The following LRP6 variants were observed in gnomAD, a reference collection of about 807,000 sequenced individuals.
The protein encoded by LRP6 is low-density lipoprotein receptor-related protein 6.
LRP6 carries 43 observed loss-of-function variants against 184.1 expected under a neutral mutation model. The observed-to-expected ratio is 0.23, with a 90% CI of 0.18 to 0.30. The LOEUF (loss-of-function observed/expected upper bound fraction) is 0.30, where lower values mean the gene tolerates loss of function less well. Ranked by LOEUF, LRP6 falls within the 10% of genes least tolerant of loss-of-function variation. LRP6 has a pLI of 1.00. For synonymous variants in LRP6, 719 were observed against 684.9 expected (o/e 1.05, Z -0.78); for missense variants, 1,571 against 2,005.3 (o/e 0.78, Z 4.14).
At chr12:12,196,411 T>G (rs373780285) in intron 3 of LRP6, among the ~76,000 whole-genome samples, 11 of 152,216 alleles carry the variant, frequency 7.2e-5, no homozygotes, top group African/African-American at 2.6e-4. Flanking sequence ...GGTCTTTCAC[T>G]TCCTTGGTTA....
chr12:12,179,003 T>C (rs1565607137), intron 7 of LRP6, among the ~76,000 whole-genome samples: 2 of 152,172 alleles, frequency 1.3e-5, no homozygotes, highest in South Asian at 2.1e-4. Context: ...GCCATCCTTG[T>C]ATGTGAAGTT....
At chr12:12,121,989 A>T (rs568884300) in intron 22 of LRP6, among the ~76,000 whole-genome samples, 11 of 152,168 alleles carry the variant, frequency 7.2e-5, no homozygotes, top group Non-Finnish European at 1.3e-4. Flanking sequence ...TAGCAAAGGG[A>T]AATTGCTGTG....
At chr12:12,138,802 T>C in intron 15 of LRP6, 10 of 1,447,718 alleles carry the variant, frequency 6.9e-6, no homozygotes, top group South Asian at 2.3e-5. Context: ...CTTAGAACAG[T>C]AGTTTGAAAA....
intron 2 of LRP6, among the ~76,000 whole-genome samples, chr12:12,235,309 C>T (rs1160373221): frequency 2.0e-5 from 3 of 152,128 alleles, no homozygotes; most frequent in African/African-American, 7.2e-5. Context: ...TGGTAGTAGA[C>T]TGGAATTGGC....
intron 1 of LRP6, among the ~76,000 whole-genome samples, chr12:12,256,759 T>G (rs182481871): frequency 2.3e-4 from 35 of 152,298 alleles, no homozygotes; most frequent in Admixed American, 1.6e-3. Flanking sequence ...TGAGCAGAGA[T>G]TGTGCCACTG....
At position 12,121,438 on chromosome 12, in the gene LRP6, TAAAG is replaced by T; in HGVS notation, c.4548-22_4548-19del. ...GCCTGTAGCTGGTATAGGGAGAAAA[TAAAG>T]AGAAGCAGTTAGTTTTACAAAAAAA... On this transcript the variant is annotated intron_variant, in intron 22 of 22. Coordinates refer to ENST00000261349, the MANE Select transcript of LRP6 (RefSeq NM_002336.3). 1 of 1,612,026 alleles carries T rather than the reference TAAAG, an allele frequency of 6.2e-7. No individual in the cohort carries two copies. Among genetic ancestry groups the T allele is most frequent in the Non-Finnish European group, 8.5e-7 (1 of 1,178,662 alleles).
chr12:12,252,893 T>C (rs1865357277), intron 1 of LRP6, among the ~76,000 whole-genome samples: 1 of 152,222 alleles, frequency 6.6e-6, no homozygotes, highest in South Asian at 2.1e-4. Flanking sequence ...TAGGATTATA[T>C]GTCTTTAGAT....
intron 2 of LRP6, among the ~76,000 whole-genome samples, chr12:12,217,071 C>T (rs1414252613): frequency 6.6e-6 from 1 of 152,132 alleles, no homozygotes; most frequent in African/African-American, 2.4e-5. Flanking sequence ...ACCTCCAAGC[C>T]AGAGACCACT....
At chr12:12,249,670 CAGAAGGAAGGAA>C (rs1405945560) in intron 1 of LRP6, among the ~76,000 whole-genome samples, 3 of 117,246 alleles carry the variant, frequency 2.6e-5, no homozygotes, top group Non-Finnish European at 5.1e-5. Context: ...TGTGCTATAA[CAGAAGGAAGGAA>C]GGAAGGAAGG....
chr12:12,198,140 C>T (rs1468762993), intron 3 of LRP6, among the ~76,000 whole-genome samples: 1 of 152,192 alleles, frequency 6.6e-6, no homozygotes, highest in Non-Finnish European at 1.5e-5. Flanking sequence ...GATGGTCTCA[C>T]TCCTGACTTC....
chr12:12,125,560 C>T (rs992167066), intron 20 of LRP6, 128 bp from the exon 21 acceptor site: 6 of 825,040 alleles, frequency 7.3e-6, no homozygotes, highest in Admixed American at 2.3e-5. Context: ...AACTTACACT[C>T]TTTTCCTATA....
intron 15 of LRP6, among the ~76,000 whole-genome samples, chr12:12,144,566 G>A (rs1949976386): frequency 6.6e-6 from 1 of 152,170 alleles, no homozygotes; most frequent in Admixed American, 6.5e-5. Flanking sequence ...GTTTGAGCTA[G>A]GGAGTTTGAG....
intron 8 of LRP6, among the ~76,000 whole-genome samples, 160 bp downstream of exon 8, chr12:12,164,919 T>A (rs1478819056): frequency 8.8e-5 from 5 of 57,076 alleles, no homozygotes; most frequent in African/African-American, 1.6e-4. Flanking sequence ...CCCTTCTCAG[T>A]AAAAAAAAAA....
At chr12:12,252,708 G>C (rs1213862742) in intron 1 of LRP6, among the ~76,000 whole-genome samples, 1 of 152,066 alleles carries the variant, frequency 6.6e-6, no homozygotes, top group African/African-American at 2.4e-5. Flanking sequence ...GTTGGCTAAT[G>C]GTTCTCAGTT....
In LRP6 at chr12:12,228,201, G is replaced by A. The variant is rs180693522; in HGVS notation, c.449+16061C>T. Among the ~76,000 whole-genome samples, 340 of 151,784 alleles carry A rather than the reference G, an allele frequency of 2.2e-3. 2 individuals are homozygous for A. The highest frequency in any genetic ancestry group is 9.1e-4 in the Non-Finnish European group (62 of 67,994). On this transcript the variant is annotated intron_variant, in intron 2 of 22. Transcript: ENST00000261349. ...GCCTGGCCAACATGGTGAAACCCCC[G>A]TTTCTACTAAAAATACAAAAATTAG...
At chr12:12,207,146 T>C (rs972271219) in intron 2 of LRP6, among the ~76,000 whole-genome samples, 1 of 152,178 alleles carries the variant, frequency 6.6e-6, no homozygotes, top group African/African-American at 2.4e-5. Flanking sequence ...TAAAGAGTGG[T>C]AGCTACCTTT....
At chr12:12,248,852 C>G (rs1030946059) in intron 1 of LRP6, 1 of 264,178 alleles carries the variant, frequency 3.8e-6, no homozygotes, top group Non-Finnish European at 7.2e-6. Flanking sequence ...ATAGAATGTT[C>G]TCCTCATACA....
chr12:12,196,821 T>C (rs1295213543), intron 3 of LRP6, among the ~76,000 whole-genome samples: 2 of 152,148 alleles, frequency 1.3e-5, no homozygotes, highest in African/African-American at 2.4e-5. Flanking sequence ...TAGTAGGCAG[T>C]AGTGTGTTCT....
chr12:12,165,391 G>C (rs1453563154), intron 7 of LRP6, 96 bp from the exon 8 acceptor site: 2 of 857,624 alleles, frequency 2.3e-6, no homozygotes, highest in African/African-American at 1.7e-5. Flanking sequence ...AAAAATCCAA[G>C]AGTCATCTTG....
Sources: allele counts gnomAD v4.1 joint callset (sites outside exome capture counted in the v4.1 genomes callset), GRCh38; gene constraint gnomAD v4.1.1; transcripts MANE v1.5; gene names NCBI Gene and HGNC (gene_info 2026-07-23, HGNC 2026-07-21).